EP400: variants seen among roughly 807,000 people sequenced by gnomAD.
EP400 encodes the protein E1A binding protein p400.
In EP400, 105 loss-of-function variants were observed where a neutral mutation model predicts 354.1. That is an observed-to-expected ratio of 0.30 (90% CI 0.25 to 0.35). EP400 has a LOEUF of 0.35. EP400 is among the 10% of genes least tolerant of loss of function. The pLI is 1.00. For synonymous variants in EP400, 1,646 were observed against 1,716.9 expected (o/e 0.96, Z 1.02); for missense variants, 3,280 against 4,121.0 (o/e 0.80, Z 5.59).
chr12:132,076,670 T>A (rs1896248756), intron 52 of EP400, 77 bp downstream of exon 52: 2 of 1,334,404 alleles, frequency 1.5e-6, no homozygotes, highest in South Asian at 1.4e-5. Context: ...AGGTCATGAT[T>A]AGGGAATCAC....
At chr12:131,963,329 G>T (rs1033034466) in intron 2 of EP400, among the ~76,000 whole-genome samples, 1 of 152,112 alleles carries the variant, frequency 6.6e-6, no homozygotes, top group Non-Finnish European at 1.5e-5. Context: ...GACTTAAATT[G>T]GAGTTTCTGC....
intron 39 of EP400, among the ~76,000 whole-genome samples, chr12:132,048,876 G>A (rs983644815): frequency 1.3e-5 from 2 of 152,200 alleles, no homozygotes; most frequent in Non-Finnish European, 2.9e-5. Flanking sequence ...ATAAGTTGGA[G>A]CACTTTGTTA....
rs1223584809 is a variant in EP400, at chr12:131,979,736, A to G, written c.1378A>G (p.Thr460Ala). 40 of 1,610,516 alleles carry G rather than the reference A, an allele frequency of 2.5e-5. No homozygotes were observed. Among genetic ancestry groups the G allele is most frequent in the Non-Finnish European group, 3.2e-5 (38 of 1,178,366 alleles). ...AGSLVAGAGS[T>A]VETDLFKRQQ... ...GAGCCTGGTAGCAGGGGCCGGAAGCACAGTAGAGACGGACCTGTTTAAGAG... is the reference window on the plus strand; with the variant it reads ...GAGCCTGGTAGCAGGGGCCGGAAGCGCAGTAGAGACGGACCTGTTTAAGAG... The change falls in exon 3 of 53, where the codon ACA (threonine) becomes GCA (alanine). Residue 460 changes from threonine to alanine, a missense_variant. Transcript: ENST00000389561.
chr12:131,963,678 C>G (rs965957546), intron 2 of EP400: 1 of 1,522,414 alleles, frequency 6.6e-7, no homozygotes, highest in African/African-American at 1.4e-5. Context: ...AGTCTCATCC[C>G]AAACTTTTCC....
chr12:132,040,250 C>T (rs1263860540), intron 32 of EP400, among the ~76,000 whole-genome samples: 4 of 151,938 alleles, frequency 2.6e-5, no homozygotes, highest in Non-Finnish European at 4.4e-5. Flanking sequence ...GAAAGGGGCC[C>T]GTTGCACTCT....
rs760453543 is a variant in EP400, at chr12:132,028,019, G to A, written c.5112G>A (p.Glu1704=). Residue 1704 remains glutamate, a splice_region_variant and synonymous_variant, in exon 27 of 53, where the codon GAG becomes GAA. Coordinates refer to ENST00000389561, the MANE Select transcript of EP400 (RefSeq NM_015409.5). ...TTTTTCATCACTTTTTGATAAAGGA[G>A]GAAAAGACCAGACTCTTGAAAGAGC... The part of the protein sequence containing the change: ...PASPIGGPTQ[E]EKTRLLKERL... 1.3e-5 allele frequency: 21 copies of A among 1,609,492 alleles called. No homozygotes were observed. The highest frequency in any genetic ancestry group is 1.7e-5 in the Non-Finnish European group (20 of 1,176,384).
At chr12:132,044,616 T>G in intron 35 of EP400, 55 bp from the exon 36 acceptor site, 1 of 1,607,228 alleles carries the variant, frequency 6.2e-7, no homozygotes, top group Non-Finnish European at 8.5e-7. Context: ...GATTTGTGGC[T>G]TATAACATGA....
chr12:132,044,677 G>T lies in EP400; in HGVS notation c.6592G>T (p.Val2198Phe). The change falls in exon 36 of 53, where the codon GTC becomes TTC. Residue 2198 changes from valine (V) to phenylalanine (F), a missense_variant. Around this residue, in one of 20 missense-constraint regions of EP400, gnomAD observed 231 missense variants for 257.9 expected, o/e 0.90. Coordinates refer to ENST00000389561, the MANE Select transcript of EP400 (RefSeq NM_015409.5). ...TREDAYSMEYVYEDVDGQTEV... is the reference protein window; with the variant it reads ...TREDAYSMEYFYEDVDGQTEV... ...CTTGCCGTGTTCCCTACAGGAGTAT[G>T]TCTACGAAGATGTCGATGGGCAGAC... 2 of 1,614,214 alleles carry T rather than the reference G, an allele frequency of 1.2e-6. No homozygotes were observed. Among genetic ancestry groups the T allele is most frequent in the East Asian group, 4.5e-5 (2 of 44,886 alleles).
intron 29 of EP400, chr12:132,031,365 C>T (rs757103212): frequency 3.9e-6 from 2 of 519,138 alleles, no homozygotes; most frequent in South Asian, 2.8e-5. Context: ...ACAGTAAATG[C>T]AAGGTGGACT....
chr12:132,066,470 G>A, intron 48 of EP400: 1 of 336,312 alleles, frequency 3.0e-6, no homozygotes, highest in South Asian at 3.9e-5. Context: ...ACAGGATGCG[G>A]TTACTGGTTC....
chr12:132,060,914 CA>C (rs11305330), intron 45 of EP400, among the ~76,000 whole-genome samples: 90,673 of 110,304 alleles, frequency 0.82, 36,104 homozygotes, highest in African/African-American at 0.9. Context: ...GACTCCGTCT[CA>C]AAAAAAAAAA....
At position 132,005,067 on chromosome 12, in the gene EP400, C is replaced by T. The variant is rs1337497586; in HGVS notation, c.2828-10C>T. The T allele has an allele frequency of 6.4e-7, 1 of 1,567,146 alleles. No individual in the cohort carries two copies. Among genetic ancestry groups the T allele is most frequent in the Admixed American group, 1.9e-5 (1 of 52,804 alleles). On this transcript the variant is annotated splice_polypyrimidine_tract_variant and intron_variant, in intron 12 of 52. Transcript: ENST00000389561. Reference sequence around the variant, plus strand: ...AAAGTAACAGCCCTTCTGCCCGCAACCCTCTGCAGCTGAGCTGCCCCTCCT... The same window carrying T: ...AAAGTAACAGCCCTTCTGCCCGCAATCCTCTGCAGCTGAGCTGCCCCTCCT...
At chr12:131,989,138 C>T (rs1313615387) in intron 7 of EP400, among the ~76,000 whole-genome samples, 1 of 152,190 alleles carries the variant, frequency 6.6e-6, no homozygotes, top group Non-Finnish European at 1.5e-5. Flanking sequence ...GGGGGCTGGC[C>T]GATGGGCTAG....
At position 132,018,176 on chromosome 12, in the gene EP400, C is replaced by G. The variant is rs757401301; in HGVS notation, c.4111-34C>G. 6.2e-7 allele frequency: 1 copy of G among 1,603,512 alleles called. No individual in the cohort carries two copies. Among genetic ancestry groups the G allele is most frequent in the Non-Finnish European group, 8.5e-7 (1 of 1,177,624 alleles). ...TTCTTAGGTGCTTTTTTTGCCTCTT[C>G]ATGCAGCAAGACTTTTTTTCTTTTT... On this transcript the variant is annotated intron_variant, in intron 20 of 52. Transcript: ENST00000389561. This position sits in a 1 kb window ranked among gnomAD's most constrained non-coding sequence, Gnocchi z 4.0.
In EP400 at chr12:132,050,033, C is replaced by A. The variant is rs1484863238; in HGVS notation, c.7201-290C>A. Among the ~76,000 whole-genome samples, 1 of 152,228 alleles carries A rather than the reference C, an allele frequency of 6.6e-6. No homozygotes were observed. The highest frequency in any genetic ancestry group is 2.4e-5 in the African/African-American group (1 of 41,448). On this transcript the variant is annotated intron_variant, in intron 39 of 52. Coordinates refer to ENST00000389561, the MANE Select transcript of EP400 (RefSeq NM_015409.5). The surrounding 1 kb of genome is among the most constrained non-coding windows in gnomAD (Gnocchi z 4.8). ...GCCATGTGACCTTGGGCACTTTGCACACCTGTTTTGTTCCCTCTCCCTCTT... is the reference window on the plus strand; with the variant it reads ...GCCATGTGACCTTGGGCACTTTGCAAACCTGTTTTGTTCCCTCTCCCTCTT...
chr12:132,055,300 T>C, intron 45 of EP400, 92 bp downstream of exon 45: 2 of 1,069,408 alleles, frequency 1.9e-6, no homozygotes, highest in Non-Finnish European at 2.6e-6. Flanking sequence ...TTTTTAAGTA[T>C]TCCATTGGTG....
Position 132,062,620 on chromosome 12 carries a change from G to A in EP400, c.8253G>A (p.Thr2751=), listed in dbSNP as rs764475370. The A allele has an allele frequency of 1.1e-5, 17 of 1,613,812 alleles. No individual in the cohort carries two copies. The highest frequency in any genetic ancestry group is 6.6e-5 in the South Asian group (6 of 91,078). ...AGCAGCAGCAGCAACAGACGACGAC[G>A]ACCTCTCAGGTGCAAGTTCCACAGA... ...QQQQQQQQTT[T]TSQVQVPQIQ... The change falls in exon 47 of 53, where the codon ACG becomes ACA. Residue 2751 remains threonine, a synonymous_variant. Coordinates refer to ENST00000389561, the MANE Select transcript of EP400 (RefSeq NM_015409.5).
At position 132,043,656 on chromosome 12, in the gene EP400, T is replaced by C. The variant is rs201673379; in HGVS notation, c.6378T>C (p.Ile2126=). ...LADFMEQLTP[I]EKYALNYLEL... ...TACTTTTGGAACAGCTTACACCAAT[T>C]GAAAAATATGCTTTAAATTACCTGG... is the stretch of plus-strand genomic sequence containing the variant. The change falls in exon 34 of 53, where the codon ATT becomes ATC. Residue 2126 remains isoleucine (I), a synonymous_variant. Transcript: ENST00000389561. The C allele has an allele frequency of 1.2e-6, 2 of 1,610,150 alleles. No individual in the cohort carries two copies. The highest frequency in any genetic ancestry group is 1.7e-6 in the Non-Finnish European group (2 of 1,179,006).
At position 132,069,578 on chromosome 12, in the gene EP400, TACCAC is replaced by T; in HGVS notation, c.8962_8966del (p.Thr2988HisfsTer130). On this transcript the variant is annotated frameshift_variant, in exon 51 of 53. Transcript: ENST00000389561. LOFTEE classifies it high-confidence loss of function. ...AGCCGGCCCTTAAGACCCAGTTTCT[TACCAC>T]ACCCATCTCCCAGGCCCAGAAACTG... is the stretch of plus-strand genomic sequence containing the variant. 1 of 1,614,220 alleles carries T rather than the reference TACCAC, an allele frequency of 6.2e-7. No individual in the cohort carries two copies. The highest frequency in any genetic ancestry group is 8.5e-7 in the Non-Finnish European group (1 of 1,180,024).
Sources: allele counts gnomAD v4.1 joint callset (sites outside exome capture counted in the v4.1 genomes callset), GRCh38; gene constraint gnomAD v4.1.1; regional missense constraint gnomAD v4.1.1; non-coding constraint Gnocchi (gnomAD v3.1); transcripts MANE v1.5; gene names NCBI Gene and HGNC (gene_info 2026-07-23, HGNC 2026-07-21).